Variants in CNTNAP2 observed in about 807,000 individuals in gnomAD.
CNTNAP2 encodes the protein contactin-associated protein-like 2.
CNTNAP2 carries 98 observed loss-of-function variants against 155.2 expected under a neutral mutation model. The observed-to-expected ratio is 0.63, with a 90% CI of 0.54 to 0.75. CNTNAP2 has a LOEUF of 0.75. CNTNAP2 is among the 30% of genes least tolerant of loss of function. CNTNAP2 has a pLI of 0.00. For missense variants in CNTNAP2, 1,727 were observed against 1,688.1 expected, an observed-to-expected ratio of 1.02 and a Z score of -0.40; for synonymous variants, 651 against 631.2, an observed-to-expected ratio of 1.03 and a Z score of -0.47.
chr7:148,385,738 T>TTTTTTTTGTTTGTTTGTTTGTTTG, intron 22 of CNTNAP2, among the ~76,000 whole-genome samples: 2 of 2,262 alleles, frequency 8.8e-4, no homozygotes, highest in African/African-American at 1.9e-3. Context: ...TGTGACAGGT[T>TTTTTTTTGTTTGTTTGTTTGTTTG]TTTTTTTTTT....
chr7:148,382,427 A>G (rs534376995), intron 21 of CNTNAP2, among the ~76,000 whole-genome samples: 2 of 152,334 alleles, frequency 1.3e-5, no homozygotes, highest in East Asian at 3.9e-4. Flanking sequence ...GTGGTGTCAT[A>G]GGGAAACCTG....
At chr7:147,215,940 T>C (rs1048593539) in intron 8 of CNTNAP2, among the ~76,000 whole-genome samples, 2 of 152,170 alleles carry the variant, frequency 1.3e-5, no homozygotes, top group African/African-American at 4.8e-5. Context: ...TGATGACATA[T>C]GATGTAGAAC....
chr7:147,744,218 T>C (rs1181254734), intron 13 of CNTNAP2, among the ~76,000 whole-genome samples: 1 of 152,174 alleles, frequency 6.6e-6, no homozygotes, highest in Non-Finnish European at 1.5e-5. Context: ...ATTACTAAAA[T>C]AGAAGGTATA....
chr7:147,580,047 T>C (rs1007522989), intron 12 of CNTNAP2, among the ~76,000 whole-genome samples: 4 of 152,236 alleles, frequency 2.6e-5, no homozygotes, highest in Non-Finnish European at 5.9e-5. Flanking sequence ...TGTGATTTGA[T>C]AGTAAATTAT....
chr7:146,584,945 C>A (rs1798664669), intron 1 of CNTNAP2, among the ~76,000 whole-genome samples: 1 of 152,076 alleles, frequency 6.6e-6, no homozygotes, highest in Non-Finnish European at 1.5e-5. Context: ...GATGAGGCAT[C>A]AAAGTGACAC....
At chr7:148,160,428 A>T (rs1805499969) in intron 17 of CNTNAP2, among the ~76,000 whole-genome samples, 1 of 152,044 alleles carries the variant, frequency 6.6e-6, no homozygotes, top group South Asian at 2.1e-4. Context: ...AAAAAAAGAA[A>T]AAAGATAATA....
intron 11 of CNTNAP2, among the ~76,000 whole-genome samples, chr7:147,504,223 C>G (rs1202412064): frequency 6.6e-6 from 1 of 152,030 alleles, no homozygotes; most frequent in African/African-American, 2.4e-5. Context: ...GACATGAGTC[C>G]CCAGTGCATC....
intron 16 of CNTNAP2, among the ~76,000 whole-genome samples, chr7:148,139,809 G>C (rs549185815): frequency 6.6e-6 from 1 of 152,266 alleles, no homozygotes; most frequent in African/African-American, 2.4e-5. Context: ...AAAGTGCTGG[G>C]ATTACAGGCA....
chr7:146,536,987 G>A (rs1396166476), intron 1 of CNTNAP2, among the ~76,000 whole-genome samples: 1 of 152,086 alleles, frequency 6.6e-6, no homozygotes, highest in African/African-American at 2.4e-5. Context: ...AGTGAATCTT[G>A]TGTAAGGTAG....
intron 15 of CNTNAP2, among the ~76,000 whole-genome samples, chr7:148,053,172 A>G (rs1289130704): frequency 6.6e-6 from 1 of 152,258 alleles, no homozygotes; most frequent in African/African-American, 2.4e-5. Flanking sequence ...CAGTTTTACA[A>G]TTCCACATGT....
At chr7:147,208,948 C>T (rs1012706116) in intron 8 of CNTNAP2, among the ~76,000 whole-genome samples, 3 of 151,838 alleles carry the variant, frequency 2.0e-5, no homozygotes, top group Non-Finnish European at 1.5e-5. Context: ...TAGTGCTATA[C>T]AAAAAATGAT....
intron 1 of CNTNAP2, among the ~76,000 whole-genome samples, chr7:146,717,724 A>G (rs1416962949): frequency 6.6e-6 from 1 of 152,104 alleles, no homozygotes; most frequent in Non-Finnish European, 1.5e-5. Context: ...GATGATGGCA[A>G]GACTGGGGAA....
intron 13 of CNTNAP2, among the ~76,000 whole-genome samples, chr7:147,745,782 T>G (rs1243362845): frequency 6.6e-6 from 1 of 152,238 alleles, no homozygotes; most frequent in Admixed American, 6.5e-5. Context: ...GTCAGGGGCA[T>G]GCAATGAATC....
intron 14 of CNTNAP2, among the ~76,000 whole-genome samples, chr7:147,973,420 T>G (rs1357377161): frequency 1.3e-5 from 2 of 152,234 alleles, no homozygotes; most frequent in African/African-American, 4.8e-5. Context: ...CTTTCCCTCT[T>G]TTGTTGATTG....
chr7:146,381,505 G>T (rs1418709958), intron 1 of CNTNAP2, among the ~76,000 whole-genome samples: 3 of 152,120 alleles, frequency 2.0e-5, no homozygotes, highest in African/African-American at 7.2e-5. Flanking sequence ...GTAAAATGGT[G>T]ATAATAACAG....
intron 19 of CNTNAP2, among the ~76,000 whole-genome samples, chr7:148,227,560 C>T (rs750559594): frequency 6.6e-6 from 1 of 152,158 alleles, no homozygotes; most frequent in African/African-American, 2.4e-5. Flanking sequence ...AGCCAGGGAG[C>T]AGGCTCCCTC....
At chr7:146,469,108 C>T (rs1796757130) in intron 1 of CNTNAP2, among the ~76,000 whole-genome samples, 1 of 152,206 alleles carries the variant, frequency 6.6e-6, no homozygotes, top group East Asian at 1.9e-4. Context: ...CAGCATCCAG[C>T]TCCTCCTTCC....
chr7:147,982,361 T>C (rs1365985599), intron 15 of CNTNAP2, among the ~76,000 whole-genome samples: 1 of 152,138 alleles, frequency 6.6e-6, no homozygotes, highest in Non-Finnish European at 1.5e-5. Flanking sequence ...CCAGAAAATG[T>C]CTTATTCAAG....
At chr7:147,904,561 C>T (rs1055102213) in intron 14 of CNTNAP2, among the ~76,000 whole-genome samples, 9 of 152,154 alleles carry the variant, frequency 5.9e-5, no homozygotes, top group African/African-American at 2.2e-4. Context: ...TCATGAATTT[C>T]CCCATATGCC....
Sources: allele counts gnomAD v4.1 joint callset (sites outside exome capture counted in the v4.1 genomes callset), GRCh38; gene constraint gnomAD v4.1.1; transcripts MANE v1.5; gene names NCBI Gene and HGNC (gene_info 2026-07-23, HGNC 2026-07-21).